Variants in PRKAR1B observed in about 807,000 individuals in gnomAD.
PRKAR1B encodes cAMP-dependent protein kinase type I-beta regulatory subunit.
A neutral mutation model predicts 46.5 loss-of-function variants in PRKAR1B; 22 were observed. That is an observed-to-expected ratio of 0.47 (90% CI 0.34 to 0.68). PRKAR1B has a LOEUF of 0.68. Among genes scored for constraint, PRKAR1B ranks in the 30% least tolerant of loss-of-function variants. PRKAR1B has a pLI of 0.01. For missense variants in PRKAR1B, 445 were observed against 535.6 expected (o/e 0.83, Z 1.67); for synonymous variants, 259 against 217.7 (o/e 1.19, Z -1.67).
At chr7:628,977 T>A (rs564441468) in intron 4 of PRKAR1B, among the ~76,000 whole-genome samples, 1 of 152,276 alleles carries the variant, frequency 6.6e-6, no homozygotes, top group East Asian at 1.9e-4. Context: ...GCTTGCAACG[T>A]CCTGTGAGCC....
intron 2 of PRKAR1B, among the ~76,000 whole-genome samples, chr7:689,722 C>T (rs1054077400): frequency 3.3e-5 from 5 of 151,682 alleles, no homozygotes; most frequent in African/African-American, 1.2e-4. Context: ...TTCTGTTGCC[C>T]AGGCTGGAGT....
chr7:697,369 C>T (rs897100196), intron 2 of PRKAR1B, among the ~76,000 whole-genome samples: 2 of 152,156 alleles, frequency 1.3e-5, no homozygotes, highest in African/African-American at 4.8e-5. Context: ...GCCTGCGGCC[C>T]GGTTCTCGCT....
chr7:612,366 G>C (rs1239688456), intron 4 of PRKAR1B, among the ~76,000 whole-genome samples: 1 of 148,024 alleles, frequency 6.8e-6, no homozygotes, highest in African/African-American at 2.5e-5. Flanking sequence ...GGACAGGTGG[G>C]TGGATGTACA....
At chr7:615,040 G>A (rs993358468) in intron 4 of PRKAR1B, among the ~76,000 whole-genome samples, 4 of 152,046 alleles carry the variant, frequency 2.6e-5, no homozygotes, top group Non-Finnish European at 4.4e-5. Flanking sequence ...TTGTGCCACT[G>A]CACTCCAGCC....
chr7:623,615 T>C (rs949185329), intron 4 of PRKAR1B, among the ~76,000 whole-genome samples: 5 of 152,184 alleles, frequency 3.3e-5, no homozygotes, highest in African/African-American at 4.8e-5. Context: ...CCCCAGCCCC[T>C]GGTGTTTCCT....
chr7:680,655 C>T lies in PRKAR1B; in HGVS notation c.249G>A (p.Ser83=), dbSNP rs142537452. 2.1e-5 allele frequency: 34 copies of T among 1,613,124 alleles called. No homozygotes were observed. Among genetic ancestry groups the T allele is most frequent in the African/African-American group, 5.3e-5 (4 of 74,874 alleles). Residue 83 remains serine, a synonymous_variant, in exon 3 of 11, where the codon TCG becomes TCA. Transcript: ENST00000537384. ...SQSDSHDEEV[S]PTPPNPVVKA... ...TCACCACAGGGTTCGGGGGGGTGGG[C>T]GACACCTCCTCATCATGGGAGTCCG...
intron 2 of PRKAR1B, among the ~76,000 whole-genome samples, chr7:709,325 ATGTG>A (rs1780498516): frequency 6.7e-6 from 1 of 150,268 alleles, no homozygotes; most frequent in African/African-American, 2.4e-5. Context: ...GCATGTATGT[ATGTG>A]TGTGTATGCA....
chr7:690,609 T>C (rs902518599), intron 2 of PRKAR1B, among the ~76,000 whole-genome samples: 1 of 152,154 alleles, frequency 6.6e-6, no homozygotes, highest in African/African-American at 2.4e-5. Flanking sequence ...GAAGGAACTA[T>C]GTCATAATAA....
intron 4 of PRKAR1B, among the ~76,000 whole-genome samples, chr7:665,238 G>A (rs1785838230): frequency 6.6e-6 from 1 of 152,178 alleles, no homozygotes; most frequent in African/African-American, 2.4e-5. Flanking sequence ...TTCCCGGCAG[G>A]TTAATGAGCT....
chr7:674,237 T>C (rs1252883136), intron 4 of PRKAR1B, among the ~76,000 whole-genome samples: 1 of 150,322 alleles, frequency 6.7e-6, no homozygotes, highest in Non-Finnish European at 1.5e-5. Flanking sequence ...TCCAACCATG[T>C]CCAGGCTAAT....
chr7:623,423 A>G (rs1783216078), intron 4 of PRKAR1B, among the ~76,000 whole-genome samples: 1 of 152,230 alleles, frequency 6.6e-6, no homozygotes, highest in East Asian at 1.9e-4. Context: ...CTTGTAAAAT[A>G]ATCCTGCCAA....
At chr7:624,939 T>G (rs1467026321) in intron 4 of PRKAR1B, among the ~76,000 whole-genome samples, 1 of 152,138 alleles carries the variant, frequency 6.6e-6, no homozygotes, top group Admixed American at 6.5e-5. Flanking sequence ...ACAGACTTCA[T>G]CAAACAAGAG....
chr7:677,371 T>C (rs1778392752), intron 3 of PRKAR1B, 51 bp from the exon 4 acceptor site: 1 of 1,522,052 alleles, frequency 6.6e-7, no homozygotes, highest in Non-Finnish European at 9.1e-7. Context: ...CCTGATGCTG[T>C]GACGCGGCCT....
chr7:621,252 A>G (rs1236471418), intron 4 of PRKAR1B, among the ~76,000 whole-genome samples: 1 of 152,258 alleles, frequency 6.6e-6, no homozygotes, highest in Non-Finnish European at 1.5e-5. Flanking sequence ...ACCATCAGAA[A>G]GAACCCTTTG....
intron 10 of PRKAR1B, among the ~76,000 whole-genome samples, chr7:551,110 C>T (rs955773324): frequency 1.3e-5 from 2 of 152,116 alleles, no homozygotes; most frequent in Non-Finnish European, 2.9e-5. Context: ...CACTGTGCCC[C>T]CTCATCCCAG....
rs199839811 is a variant in PRKAR1B at position 637,832 on chromosome 7, T to TAAAA, written c.441-30384_441-30381dup. Reference sequence around the variant, plus strand: ...TGGGGGACAAGAGAGAGACTCCATCTAAAAAAATAAATAAATAAATAAATA... The same window carrying TAAAA: ...TGGGGGACAAGAGAGAGACTCCATCTAAAAAAAAAAATAAATAAATAAATAAATA... On this transcript the variant is annotated intron_variant, in intron 4 of 10. Transcript: ENST00000537384. 6.7e-5 allele frequency among the ~76,000 whole-genome samples: 10 copies of TAAAA among 148,288 alleles called. No homozygotes were observed. In the South Asian group the frequency reaches 9.2e-4, roughly 14 times the overall value.
chr7:611,765 AATGAATGG>A lies in PRKAR1B; in HGVS notation c.441-4321_441-4314del, dbSNP rs1328158879. The stretch of plus-strand genomic sequence containing the variant: ...GGATGTACAGGTGGGTGAGTAGACG[AATGAATGG>A]ATGGATGGATGGATGGATGGATGGA... On this transcript the variant is annotated intron_variant, in intron 4 of 10. Coordinates refer to ENST00000537384, the MANE Select transcript of PRKAR1B (RefSeq NM_001164760.2). Among the ~76,000 whole-genome samples the A allele has an allele frequency of 3.6e-5, 4 of 112,260 alleles. No homozygotes were observed. In the Admixed American group the frequency reaches 4.1e-4, roughly 11 times the overall value. 73.6% of individuals were successfully genotyped at this position (112,260 alleles called of 152,430 possible).
intron 4 of PRKAR1B, among the ~76,000 whole-genome samples, chr7:640,030 GCA>G (rs1784306526): frequency 6.6e-6 from 1 of 151,844 alleles, no homozygotes; most frequent in Non-Finnish European, 1.5e-5. Context: ...AGGCGTGGTG[GCA>G]TGCGCCTGTA....
In PRKAR1B at chr7:681,349, T is replaced by C. The variant is rs1778676353; in HGVS notation, c.178-623A>G. ...AAAAAAAAAAAAAAAAAGAATTAGC[T>C]GTAAGTGGGTTCACCTAAAGTTGCA... On this transcript the variant is annotated intron_variant, in intron 2 of 10. Transcript: ENST00000537384. Among the ~76,000 whole-genome samples, 2 of 149,700 alleles carry C rather than the reference T, an allele frequency of 1.3e-5. 1 individual carries two copies. Among genetic ancestry groups the C allele is most frequent in the Non-Finnish European group, 3.0e-5 (2 of 67,396 alleles).
Sources: gnomAD v4.1 joint callset for allele counts (sites outside exome capture counted in the v4.1 genomes callset) on GRCh38, gnomAD v4.1.1 for gene constraint, MANE v1.5 for transcripts, NCBI Gene and HGNC (gene_info 2026-07-23, HGNC 2026-07-21) for gene names.